FGF13: variants seen among roughly 807,000 people sequenced by gnomAD.
The protein encoded by FGF13 is fibroblast growth factor 13.
In FGF13, 2 loss-of-function variants were observed where a neutral mutation model predicts 19.5. The ratio of observed to expected loss-of-function variants is 0.10; its 90% confidence interval spans 0.04 to 0.32. FGF13 has a LOEUF of 0.32. Ranked by LOEUF, FGF13 falls within the 10% of genes least tolerant of loss-of-function variation. The probability of loss-of-function intolerance (pLI) is 1.00; values close to 1 mark genes in which losing one functional copy is unlikely to be tolerated. For synonymous variants in FGF13, 72 were observed against 76.9 expected, an observed-to-expected ratio of 0.94 and a Z score of 0.33; for missense variants, 113 against 192.7, an observed-to-expected ratio of 0.59 and a Z score of 2.45.
intron 3 of FGF13, among the ~76,000 whole-genome samples, chrX:138,821,054 T>C (rs1026785308): frequency 1.1e-4 from 12 of 111,213 alleles, no homozygotes; most frequent in Admixed American, 6.7e-4. Context: ...AGATATGTGA[T>C]TTACCAAAAT....
intron 1 of FGF13, among the ~76,000 whole-genome samples, chrX:139,020,955 T>C (rs755230474): frequency 9.0e-6 from 1 of 110,561 alleles, no homozygotes; most frequent in South Asian, 3.8e-4. Context: ...AAAAAAAATG[T>C]AGAGAAGGAA....
chrX:139,023,534 A>T (rs1471330192), intron 1 of FGF13, among the ~76,000 whole-genome samples: 1 of 111,387 alleles, frequency 9.0e-6, no homozygotes, highest in African/African-American at 3.3e-5. Context: ...CAGTCATTAC[A>T]TTTCTAAGAA....
intron 3 of FGF13, among the ~76,000 whole-genome samples, chrX:138,664,237 A>G (rs1485660725): frequency 1.8e-5 from 2 of 111,986 alleles, no homozygotes; most frequent in Non-Finnish European, 3.8e-5. Flanking sequence ...GAAAATTGCT[A>G]TGGCACAAAG....
At chrX:138,772,557 C>T (rs1392085776) in intron 3 of FGF13, among the ~76,000 whole-genome samples, 1 of 111,371 alleles carries the variant, frequency 9.0e-6, no homozygotes, top group Non-Finnish European at 1.9e-5. Context: ...ATGCTGTTTT[C>T]ATCCATTTTT....
chrX:138,941,674 A>G (rs1457047969), intron 1 of FGF13, among the ~76,000 whole-genome samples: 1 of 112,290 alleles, frequency 8.9e-6, no homozygotes, highest in Non-Finnish European at 1.9e-5. Flanking sequence ...CCTCAGTCTT[A>G]CACAGAAAGA....
intron 1 of FGF13, among the ~76,000 whole-genome samples, chrX:139,166,269 C>T (rs1479631885): frequency 9.0e-6 from 1 of 111,443 alleles, no homozygotes; most frequent in East Asian, 2.8e-4. Flanking sequence ...TAAGTTTTCA[C>T]AGGATCTGAT....
chrX:139,008,441 T>C (rs1603121377), intron 1 of FGF13, among the ~76,000 whole-genome samples: 1 of 112,447 alleles, frequency 8.9e-6, no homozygotes, highest in East Asian at 2.8e-4. Context: ...CAGAGTCCAC[T>C]TCACTTCCCT....
intron 3 of FGF13, among the ~76,000 whole-genome samples, chrX:138,811,082 A>G (rs1237957453): frequency 8.9e-6 from 1 of 112,282 alleles, no homozygotes; most frequent in Non-Finnish European, 1.9e-5. Context: ...TGACGCAGCC[A>G]TCCCATTACT....
At chrX:138,702,247 T>C (rs17510137) in intron 3 of FGF13, among the ~76,000 whole-genome samples, 1,697 of 111,885 alleles carry the variant, frequency 0.015, 23 homozygotes, top group African/African-American at 0.052. Context: ...AAATAGTCTC[T>C]TATAATCTGA....
At chrX:139,091,240 C>G (rs1391655340) in intron 1 of FGF13, among the ~76,000 whole-genome samples, 1 of 111,176 alleles carries the variant, frequency 9.0e-6, no homozygotes, top group Non-Finnish European at 1.9e-5. Context: ...GGCAAACCCC[C>G]TGATTTGTAG....
intron 1 of FGF13, among the ~76,000 whole-genome samples, chrX:138,949,551 A>T (rs2091799474): frequency 8.9e-6 from 1 of 111,797 alleles, no homozygotes; most frequent in Admixed American, 9.6e-5. Flanking sequence ...TCTCATGTTA[A>T]CTAATTACAT....
chrX:138,945,131 G>A (rs1276848117), intron 1 of FGF13, among the ~76,000 whole-genome samples: 2 of 110,444 alleles, frequency 1.8e-5, no homozygotes, highest in East Asian at 5.7e-4. Flanking sequence ...CTAGTAAAAG[G>A]TAGATACTAT....
intron 1 of FGF13, among the ~76,000 whole-genome samples, chrX:139,070,527 GT>G (rs1320657891): frequency 8.9e-6 from 1 of 112,262 alleles, no homozygotes; most frequent in East Asian, 2.8e-4. Context: ...TACACTGTTG[GT>G]GGGAGTGTAA....
intron 1 of FGF13, among the ~76,000 whole-genome samples, chrX:139,186,354 C>A (rs986058824): frequency 5.4e-5 from 6 of 111,769 alleles, no homozygotes; most frequent in African/African-American, 2.0e-4. Context: ...CATTGTACCA[C>A]TCATGTTATT....
intron 3 of FGF13, among the ~76,000 whole-genome samples, chrX:138,670,003 C>T (rs1055202226): frequency 2.7e-5 from 3 of 111,878 alleles, no homozygotes; most frequent in Admixed American, 9.5e-5. Flanking sequence ...CCTGAATATG[C>T]ATGGATGCAG....
At chrX:138,800,373 CTT>C (rs2090818432) in intron 3 of FGF13, among the ~76,000 whole-genome samples, 1 of 111,553 alleles carries the variant, frequency 9.0e-6, no homozygotes, top group Non-Finnish European at 1.9e-5. Context: ...GTTGAAAAGT[CTT>C]TTCTTTAACA....
At chrX:138,717,727 A>G (rs2090118944) in intron 1 of FGF13, among the ~76,000 whole-genome samples, 1 of 111,462 alleles carries the variant, frequency 9.0e-6, no homozygotes, top group South Asian at 3.8e-4. Context: ...GCCATGTCCC[A>G]TCTCAGTCCC....
intron 3 of FGF13, among the ~76,000 whole-genome samples, chrX:138,661,246 G>A (rs2089487665): frequency 8.9e-6 from 1 of 111,887 alleles, no homozygotes; most frequent in African/African-American, 3.2e-5. Context: ...GCTTGGAAAA[G>A]GGTATAAGAA....
chrX:138,923,650 G>A (rs5976225), intron 1 of FGF13, among the ~76,000 whole-genome samples: 2,585 of 111,502 alleles, frequency 0.023, 71 homozygotes, highest in African/African-American at 0.078. Flanking sequence ...CTCCTGAAAA[G>A]TGCACATGGC....
Sources: allele counts gnomAD v4.1 joint callset (sites outside exome capture counted in the v4.1 genomes callset), GRCh38; gene constraint gnomAD v4.1.1; transcripts MANE v1.5; gene names NCBI Gene and HGNC (gene_info 2026-07-23, HGNC 2026-07-21).